WSCD2: variants seen among roughly 807,000 people sequenced by gnomAD.
The protein encoded by WSCD2 is sialate:O-sulfotransferase 2.
A neutral mutation model predicts 55.7 loss-of-function variants in WSCD2; 28 were observed. The ratio of observed to expected loss-of-function variants is 0.50; its 90% CI spans 0.37 to 0.69. The LOEUF (loss-of-function observed/expected upper bound fraction) is 0.69. Ranked by LOEUF, WSCD2 falls within the 30% of genes least tolerant of loss-of-function variation. The probability of loss-of-function intolerance (pLI) is 0.00; values close to 1 mark genes in which losing one functional copy is unlikely to be tolerated. For synonymous variants in WSCD2, 301 were observed against 301.9 expected (o/e 1.00, Z 0.03); for missense variants, 616 against 762.1 (o/e 0.81, Z 2.26).
At chr12:108,172,161 T>C (rs1010664909) in intron 1 of WSCD2, among the ~76,000 whole-genome samples, 3 of 152,192 alleles carry the variant, frequency 2.0e-5, no homozygotes, top group Non-Finnish European at 2.9e-5. Flanking sequence ...TATTCACTCC[T>C]TACAGACAGG....
At chr12:108,236,057 T>C (rs773138648) in intron 7 of WSCD2, among the ~76,000 whole-genome samples, 6 of 152,232 alleles carry the variant, frequency 3.9e-5, no homozygotes, top group Non-Finnish European at 8.8e-5. Flanking sequence ...CCAGGTATAA[T>C]GAGCTCTTTG....
chr12:108,192,125 T>C (rs1883246915), intron 1 of WSCD2, among the ~76,000 whole-genome samples: 2 of 152,212 alleles, frequency 1.3e-5, no homozygotes, highest in Non-Finnish European at 2.9e-5. Flanking sequence ...ACAGCAAATG[T>C]GCTGAGGTGG....
chr12:108,168,982 C>G (rs1486790910), intron 1 of WSCD2, among the ~76,000 whole-genome samples: 2 of 152,168 alleles, frequency 1.3e-5, no homozygotes, highest in Non-Finnish European at 2.9e-5. Context: ...TATTTACAGC[C>G]ACTCCTCATT....
At chr12:108,217,469 G>C (rs776293470) in intron 4 of WSCD2, among the ~76,000 whole-genome samples, 1 of 152,172 alleles carries the variant, frequency 6.6e-6, no homozygotes, top group Non-Finnish European at 1.5e-5. Flanking sequence ...CTTGGCTACC[G>C]TGTGTATTCT....
chr12:108,144,198 T>C (rs558016082), intron 1 of WSCD2, among the ~76,000 whole-genome samples: 26 of 152,186 alleles, frequency 1.7e-4, no homozygotes, highest in Non-Finnish European at 3.4e-4. Context: ...CCAGAGCCTG[T>C]ACTGTCTGTA....
chr12:108,152,550 A>G (rs1878117012), intron 1 of WSCD2, among the ~76,000 whole-genome samples: 1 of 151,992 alleles, frequency 6.6e-6, no homozygotes, highest in African/African-American at 2.4e-5. Context: ...GATGATGACG[A>G]ACTTCCCCTC....
At chr12:108,227,195 G>A (rs769679873) in intron 6 of WSCD2, 31 bp downstream of exon 6, 4 of 1,596,186 alleles carry the variant, frequency 2.5e-6, no homozygotes, top group Non-Finnish European at 3.4e-6. Context: ...GTGGACCCCA[G>A]ATGCACTCCC....
At position 108,195,971 on chromosome 12, in the gene WSCD2, G is replaced by A; in HGVS notation, c.139G>A (p.Gly47Arg). Residue 47 changes from glycine to arginine, a missense_variant, in exon 2 of 9, where the codon GGG becomes AGG. Gly to Arg is a moderately radical substitution (Grantham distance 125). Around this residue, in one of 3 missense-constraint regions of WSCD2, gnomAD observed 374 missense variants for 467.4 expected, o/e 0.80. Coordinates refer to ENST00000547525, the MANE Select transcript of WSCD2 (RefSeq NM_014653.4). ...CTTTGTGGGCCAGCCCGCTGTCTCG[G>A]GGAACCAGGCGAACCCCGCTGCTGC... ...SGFVGQPAVS[G>R]NQANPAAAGG... The A allele has an allele frequency of 6.2e-7, 1 of 1,614,238 alleles. No homozygotes were observed. The highest frequency in any genetic ancestry group is 8.5e-7 in the Non-Finnish European group (1 of 1,180,036).
At chr12:108,145,067 C>T (rs1877244643) in intron 1 of WSCD2, among the ~76,000 whole-genome samples, 1 of 152,238 alleles carries the variant, frequency 6.6e-6, no homozygotes, top group Non-Finnish European at 1.5e-5. Flanking sequence ...AGCTCTGCTA[C>T]TCACTTACTA....
Position 108,249,100 on chromosome 12 carries a change from C to A in WSCD2, c.*757C>A. ...GGAGGTGACCTTGAGATCCTGATAC[C>A]ACCTTCAAGGAACCTCAGGCACCAA... is the stretch of plus-strand genomic sequence containing the variant. On this transcript the variant is annotated 3_prime_UTR_variant, in exon 9 of 9. Coordinates refer to ENST00000547525, the MANE Select transcript of WSCD2 (RefSeq NM_014653.4). 5.2e-6 allele frequency: 1 copy of A among 193,738 alleles called. No homozygotes were observed. Among genetic ancestry groups the A allele is most frequent in the Non-Finnish European group, 9.4e-6 (1 of 106,320 alleles). 12.0% of individuals were successfully genotyped at this position (193,738 alleles called of 1,614,324 possible).
intron 8 of WSCD2, 90 bp downstream of exon 8, chr12:108,240,634 C>G: frequency 7.0e-7 from 1 of 1,423,912 alleles, no homozygotes; most frequent in Non-Finnish European, 9.4e-7. Flanking sequence ...CCAGCGTGAC[C>G]AGCAGGAGGC....
At chr12:108,246,801 A>G (rs970618017) in intron 8 of WSCD2, among the ~76,000 whole-genome samples, 2 of 152,098 alleles carry the variant, frequency 1.3e-5, no homozygotes, top group African/African-American at 4.8e-5. Context: ...TGCTGGGGAG[A>G]CAGACTACAG....
At chr12:108,244,718 T>C in intron 8 of WSCD2, 1 of 668,536 alleles carries the variant, frequency 1.5e-6, no homozygotes, top group Non-Finnish European at 2.8e-6. Context: ...GAATCATCTA[T>C]AAACAGACCC....
intron 1 of WSCD2, among the ~76,000 whole-genome samples, chr12:108,173,516 C>T (rs772018819): frequency 2.2e-5 from 3 of 139,248 alleles, no homozygotes; most frequent in South Asian, 2.7e-4. Context: ...ATCCCTTGGT[C>T]GGGGGTTCCC....
At chr12:108,212,702 G>A (rs1019391042) in intron 4 of WSCD2, among the ~76,000 whole-genome samples, 3 of 152,020 alleles carry the variant, frequency 2.0e-5, no homozygotes, top group African/African-American at 7.3e-5. Flanking sequence ...TTGGCCATGG[G>A]TGAGCTGGGG....
chr12:108,147,635 G>T (rs117766885), intron 1 of WSCD2, among the ~76,000 whole-genome samples: 2,004 of 152,180 alleles, frequency 0.013, 49 homozygotes, highest in East Asian at 0.06. Context: ...CCAGCACTTT[G>T]GGAGGCTGAG....
chr12:108,132,302 G>C, intron 1 of WSCD2, among the ~76,000 whole-genome samples: 1 of 152,098 alleles, frequency 6.6e-6, no homozygotes, highest in Non-Finnish European at 1.5e-5. Flanking sequence ...CTGAAAAAAC[G>C]AACAATTTGC....
intron 1 of WSCD2, among the ~76,000 whole-genome samples, chr12:108,145,756 G>A (rs1201444242): frequency 6.6e-6 from 1 of 152,120 alleles, no homozygotes; most frequent in African/African-American, 2.4e-5. Flanking sequence ...AGTAAAATAA[G>A]GTTTAGACAT....
chr12:108,134,609 C>T (rs1254625291), intron 1 of WSCD2, among the ~76,000 whole-genome samples: 1 of 152,152 alleles, frequency 6.6e-6, no homozygotes, highest in East Asian at 1.9e-4. Flanking sequence ...ACACCACTGT[C>T]ATGGTCATAG....
Sources: allele counts gnomAD v4.1 joint callset (sites outside exome capture counted in the v4.1 genomes callset), GRCh38; gene constraint gnomAD v4.1.1; regional missense constraint gnomAD v4.1.1; transcripts MANE v1.5; gene names NCBI Gene and HGNC (gene_info 2026-07-23, HGNC 2026-07-21).